The following SGCZ variants were observed in gnomAD, a reference collection of about 807,000 sequenced individuals.
SGCZ encodes the protein zeta-sarcoglycan.
SGCZ carries 40 observed loss-of-function variants against 41.3 expected under a neutral mutation model. The observed-to-expected ratio is 0.97, with a 90% CI of 0.75 to 1.26. The LOEUF is 1.26. SGCZ is among the 50% of genes most tolerant of loss of function. The pLI is 0.00. For synonymous variants in SGCZ, 206 were observed against 137.5 expected, an observed-to-expected ratio of 1.50 and a Z score of -3.49; for missense variants, 552 against 369.8, an observed-to-expected ratio of 1.49 and a Z score of -4.04.
chr8:14,564,689 A>C (rs10046619), intron 1 of SGCZ, among the ~76,000 whole-genome samples: 5,560 of 152,236 alleles, frequency 0.037, 226 homozygotes, highest in African/African-American at 0.11. Flanking sequence ...GACATGGTTG[A>C]AATAGAATTT....
intron 2 of SGCZ, among the ~76,000 whole-genome samples, chr8:14,329,593 G>T (rs1167383744): frequency 6.8e-6 from 1 of 146,508 alleles, no homozygotes; most frequent in Non-Finnish European, 1.5e-5. Context: ...TATTATGCTT[G>T]CTCAAAAGCC....
At chr8:15,160,836 A>G (rs908306680) in intron 1 of SGCZ, among the ~76,000 whole-genome samples, 1 of 152,160 alleles carries the variant, frequency 6.6e-6, no homozygotes, top group African/African-American at 2.4e-5. Flanking sequence ...CTATGCCTCC[A>G]TTCTGTCTAT....
chr8:14,213,115 GAGGAGTA>G (rs1805872263), intron 4 of SGCZ, among the ~76,000 whole-genome samples: 1 of 152,096 alleles, frequency 6.6e-6, no homozygotes, highest in Admixed American at 6.6e-5. Context: ...TACAGAAGGA[GAGGAGTA>G]AGAAGGAGGG....
At chr8:14,230,386 T>C (rs1254555375) in intron 4 of SGCZ, among the ~76,000 whole-genome samples, 2 of 152,098 alleles carry the variant, frequency 1.3e-5, no homozygotes, top group Non-Finnish European at 1.5e-5. Flanking sequence ...AGCGTTCCAA[T>C]ACCTTACTAT....
chr8:14,419,391 C>T (rs1193090000), intron 2 of SGCZ, among the ~76,000 whole-genome samples: 1 of 151,896 alleles, frequency 6.6e-6, no homozygotes, highest in Non-Finnish European at 1.5e-5. Flanking sequence ...ATAATTTTCT[C>T]TCAACCTATG....
intron 1 of SGCZ, among the ~76,000 whole-genome samples, chr8:14,915,911 C>A (rs941061057): frequency 2.6e-5 from 4 of 152,118 alleles, no homozygotes; most frequent in Non-Finnish European, 5.9e-5. Flanking sequence ...ATACTCCAGG[C>A]AAAGTAGCCG....
At chr8:14,712,263 T>C (rs1809544359) in intron 1 of SGCZ, among the ~76,000 whole-genome samples, 1 of 152,228 alleles carries the variant, frequency 6.6e-6, no homozygotes, top group African/African-American at 2.4e-5. Context: ...TTCAGCTCCG[T>C]CCTGAAACCC....
intron 3 of SGCZ, among the ~76,000 whole-genome samples, chr8:14,271,633 A>G (rs888362017): frequency 1.3e-5 from 2 of 152,170 alleles, no homozygotes; most frequent in Non-Finnish European, 2.9e-5. Flanking sequence ...TGTCCAATAT[A>G]TAGAAAGATT....
At chr8:15,022,976 G>T (rs1427232361) in intron 1 of SGCZ, among the ~76,000 whole-genome samples, 1 of 152,148 alleles carries the variant, frequency 6.6e-6, no homozygotes, top group Non-Finnish European at 1.5e-5. Flanking sequence ...GATGGGATTT[G>T]TCAGCCCTAT....
intron 1 of SGCZ, among the ~76,000 whole-genome samples, chr8:14,998,065 A>T (rs1802281912): frequency 6.6e-6 from 1 of 152,236 alleles, no homozygotes; most frequent in African/African-American, 2.4e-5. Context: ...CATTAAGAAG[A>T]TTCAACTACG....
chr8:14,623,412 C>A (rs893889185), intron 1 of SGCZ, among the ~76,000 whole-genome samples: 1 of 152,166 alleles, frequency 6.6e-6, no homozygotes, highest in Non-Finnish European at 1.5e-5. Context: ...AGGCAAGCAT[C>A]CCGCTGTTGA....
chr8:14,462,898 A>G (rs942292770), intron 2 of SGCZ, among the ~76,000 whole-genome samples: 1 of 151,424 alleles, frequency 6.6e-6, no homozygotes, highest in East Asian at 1.9e-4. Context: ...CTTTCATTGT[A>G]CAAATGTATC....
chr8:14,239,624 T>G (rs1363098394), intron 3 of SGCZ, among the ~76,000 whole-genome samples: 2 of 152,044 alleles, frequency 1.3e-5, no homozygotes, highest in Non-Finnish European at 2.9e-5. Flanking sequence ...GTAAGTATAT[T>G]ATAAGAATTA....
chr8:14,357,704 T>C lies in SGCZ; in HGVS notation c.235-33500A>G, dbSNP rs572528343. Among the ~76,000 whole-genome samples, 8 of 152,348 alleles carry C rather than the reference T, an allele frequency of 5.3e-5. No homozygotes were observed. In the South Asian group the frequency reaches 1.4e-3, roughly 28 times the overall value. On this transcript the variant is annotated intron_variant, in intron 2 of 7. Coordinates refer to ENST00000382080, the MANE Select transcript of SGCZ (RefSeq NM_139167.4). ...CAAACACTTTATATGTATTATCTTA[T>C]TCAATTCTCACAACGTTAGCAAATG...
intron 3 of SGCZ, among the ~76,000 whole-genome samples, chr8:14,266,648 C>T (rs980136389): frequency 3.4e-4 from 52 of 152,004 alleles, no homozygotes; most frequent in African/African-American, 1.0e-3. Context: ...GTGAAGAAAT[C>T]GTTAGGGACC....
Position 14,387,783 on chromosome 8 carries a change from T to C in SGCZ, c.235-63579A>G, listed in dbSNP as rs1441584874. ...ATTTACCAATTACTCCCATTAAGGTTCTATTTAGGTTACAATGAGTTTTAG... is the reference window on the plus strand; with the variant it reads ...ATTTACCAATTACTCCCATTAAGGTCCTATTTAGGTTACAATGAGTTTTAG... On this transcript the variant is annotated intron_variant, in intron 2 of 7. Coordinates refer to ENST00000382080, the MANE Select transcript of SGCZ (RefSeq NM_139167.4). 2.6e-5 allele frequency among the ~76,000 whole-genome samples: 4 copies of C among 152,120 alleles called. No homozygotes were observed. In the East Asian group the frequency reaches 7.7e-4, roughly 29 times the overall value.
At chr8:14,500,699 T>C (rs903415155) in intron 2 of SGCZ, among the ~76,000 whole-genome samples, 14 of 152,036 alleles carry the variant, frequency 9.2e-5, no homozygotes, top group African/African-American at 3.4e-4. Flanking sequence ...AAAATGTTGA[T>C]TATTTCCCAT....
At chr8:14,483,486 G>T (rs1801589502) in intron 2 of SGCZ, among the ~76,000 whole-genome samples, 1 of 152,212 alleles carries the variant, frequency 6.6e-6, no homozygotes, top group Admixed American at 6.5e-5. Flanking sequence ...CAAGAGGATT[G>T]CTTGAGCCCA....
intron 1 of SGCZ, among the ~76,000 whole-genome samples, chr8:14,866,533 G>A (rs1403158147): frequency 2.0e-5 from 3 of 152,138 alleles, no homozygotes; most frequent in East Asian, 3.9e-4. Flanking sequence ...ACTTGGGCTG[G>A]GCACAGTGAC....
Sources: gnomAD v4.1 joint callset for allele counts (sites outside exome capture counted in the v4.1 genomes callset) on GRCh38, gnomAD v4.1.1 for gene constraint, MANE v1.5 for transcripts, NCBI Gene and HGNC (gene_info 2026-07-23, HGNC 2026-07-21) for gene names.